The following SEMA3A variants were observed in gnomAD, a reference collection of about 807,000 sequenced individuals.
The protein encoded by SEMA3A is semaphorin 3A, also known as semaphorin-3A.
SEMA3A carries 29 observed loss-of-function variants against 97.9 expected under a neutral mutation model. That is an observed-to-expected ratio of 0.30 (90% CI 0.22 to 0.40). SEMA3A has a LOEUF of 0.40. Ranked by LOEUF, SEMA3A falls within the 10% of genes least tolerant of loss-of-function variation. SEMA3A has a pLI of 1.00. For synonymous variants in SEMA3A, 321 were observed against 323.7 expected (o/e 0.99, Z 0.09); for missense variants, 763 against 951.3 (o/e 0.80, Z 2.60).
chr7:84,482,059 T>C (rs1806460560), intron 1 of SEMA3A, among the ~76,000 whole-genome samples: 1 of 151,820 alleles, frequency 6.6e-6, no homozygotes, highest in Non-Finnish European at 1.5e-5. Context: ...TTGACTGATG[T>C]TAACTTATCA....
Position 83,963,363 on chromosome 7 carries a change from A to C in SEMA3A, c.1718-16T>G, listed in dbSNP as rs762087897. The C allele has an allele frequency of 6.3e-7, 1 of 1,599,330 alleles. No homozygotes were observed. Among genetic ancestry groups the C allele is most frequent in the South Asian group, 1.1e-5 (1 of 90,136 alleles). On this transcript the variant is annotated splice_polypyrimidine_tract_variant and intron_variant, in intron 15 of 16. Transcript: ENST00000265362. ...TGGTGATTATCTGGCCAGTGATGAGAAAATGCAATGAGAAAATATTAGAGA... is the reference window on the plus strand; with the variant it reads ...TGGTGATTATCTGGCCAGTGATGAGCAAATGCAATGAGAAAATATTAGAGA...
intron 1 of SEMA3A, among the ~76,000 whole-genome samples, chr7:84,387,739 T>C (rs1487391391): frequency 6.6e-6 from 1 of 152,194 alleles, no homozygotes; most frequent in Admixed American, 6.5e-5. Flanking sequence ...AACAGATCTC[T>C]TTAAAACCAG....
intron 6 of SEMA3A, among the ~76,000 whole-genome samples, chr7:84,043,726 C>A (rs190917546): frequency 6.6e-6 from 1 of 152,208 alleles, no homozygotes; most frequent in Admixed American, 6.6e-5. Context: ...CATCTTGCAG[C>A]AGTTCTGTTT....
chr7:84,143,222 G>C (rs1266096156), intron 1 of SEMA3A, among the ~76,000 whole-genome samples: 1 of 152,014 alleles, frequency 6.6e-6, no homozygotes, highest in Non-Finnish European at 1.5e-5. Context: ...ACTGGTGAAA[G>C]ATGACAGAGT....
At chr7:84,474,067 C>A (rs1235430322) in intron 1 of SEMA3A, among the ~76,000 whole-genome samples, 2 of 152,142 alleles carry the variant, frequency 1.3e-5, no homozygotes, top group Non-Finnish European at 2.9e-5. Context: ...AGAATCCTAA[C>A]TCTTTCAATT....
At chr7:84,019,506 T>G (rs1222640112) in intron 6 of SEMA3A, among the ~76,000 whole-genome samples, 2 of 145,764 alleles carry the variant, frequency 1.4e-5, no homozygotes, top group Non-Finnish European at 3.0e-5. Context: ...CCTTAGATTT[T>G]TATTCTTTCC....
At chr7:84,324,598 A>G (rs1801729156) in intron 2 of SEMA3A, among the ~76,000 whole-genome samples, 1 of 152,210 alleles carries the variant, frequency 6.6e-6, no homozygotes, top group Non-Finnish European at 1.5e-5. Context: ...ATATTTTATT[A>G]AACTAGAACT....
intron 1 of SEMA3A, among the ~76,000 whole-genome samples, chr7:84,375,192 G>T (rs879476590): frequency 2.0e-5 from 3 of 151,912 alleles, no homozygotes; most frequent in Non-Finnish European, 4.4e-5. Flanking sequence ...GCTGATTTTT[G>T]TATTTTTAGT....
chr7:84,355,391 CCACT>C (rs1802533159), intron 2 of SEMA3A, among the ~76,000 whole-genome samples: 1 of 151,740 alleles, frequency 6.6e-6, no homozygotes, highest in African/African-American at 2.4e-5. Context: ...TATTATACAC[CCACT>C]GAGTCTTCAG....
At chr7:83,989,464 C>T (rs1355642417) in intron 12 of SEMA3A, among the ~76,000 whole-genome samples, 1 of 102,308 alleles carries the variant, frequency 9.8e-6, no homozygotes, top group Non-Finnish European at 2.0e-5. Context: ...CTATCCCTCC[C>T]CCCTCCCCCC....
intron 5 of SEMA3A, among the ~76,000 whole-genome samples, chr7:84,055,781 C>G (rs1408568920): frequency 6.6e-6 from 1 of 152,092 alleles, no homozygotes; most frequent in Non-Finnish European, 1.5e-5. Flanking sequence ...ATTTTCAGAT[C>G]CTAATAGAAG....
intron 1 of SEMA3A, among the ~76,000 whole-genome samples, chr7:84,154,182 T>G (rs1301435542): frequency 6.6e-6 from 1 of 152,088 alleles, no homozygotes; most frequent in Non-Finnish European, 1.5e-5. Context: ...TCAAGGAATA[T>G]TTAGAAAGAT....
chr7:83,971,670 T>TTAC (rs1788919644), intron 15 of SEMA3A, among the ~76,000 whole-genome samples: 1 of 152,126 alleles, frequency 6.6e-6, no homozygotes, highest in Admixed American at 6.6e-5. Flanking sequence ...AATGCATGAA[T>TTAC]GTGTAGTTAA....
chr7:84,204,638 T>A (rs529899093), intron 3 of SEMA3A, among the ~76,000 whole-genome samples: 4 of 152,326 alleles, frequency 2.6e-5, no homozygotes, highest in Admixed American at 2.6e-4. Context: ...TAGGCTCTTA[T>A]TAATTTTATG....
rs540111800 is a variant in SEMA3A at position 84,321,736 on chromosome 7, C to T, written c.-168-14444G>A. The stretch of plus-strand genomic sequence containing the variant: ...CTAAAAATACAAAAAATTAGCCGGG[C>T]GTGGTGGCGCACGCCTCTAGTCTCA... On this transcript the variant is annotated intron_variant, in intron 2 of 3. Transcript: ENST00000424555. Among the ~76,000 whole-genome samples, 6 of 151,614 alleles carry T rather than the reference C, an allele frequency of 4.0e-5. No homozygotes were observed. The South Asian group carries it at 8.3e-4, about 21-fold the overall frequency.
At chr7:84,375,706 A>G (rs1230239360) in intron 1 of SEMA3A, among the ~76,000 whole-genome samples, 1 of 152,178 alleles carries the variant, frequency 6.6e-6, no homozygotes, top group Non-Finnish European at 1.5e-5. Context: ...TCAAAATTCT[A>G]TCTTCTAGCT....
chr7:84,361,489 T>C (rs1387322836), intron 2 of SEMA3A, among the ~76,000 whole-genome samples: 1 of 152,018 alleles, frequency 6.6e-6, no homozygotes, highest in East Asian at 1.9e-4. Flanking sequence ...ATGTTTATAA[T>C]GCAAATAAAT....
At chr7:84,040,244 A>G (rs1478905749) in intron 6 of SEMA3A, among the ~76,000 whole-genome samples, 1 of 147,202 alleles carries the variant, frequency 6.8e-6, no homozygotes, top group South Asian at 2.2e-4. Flanking sequence ...TTTTCTGGTC[A>G]AAACTCTCCA....
At position 83,961,609 on chromosome 7, in the gene SEMA3A, T is replaced by A. The variant is rs759358700; in HGVS notation, c.2078A>T (p.Asn693Ile). Residue 693 changes from asparagine to isoleucine, a missense_variant, in exon 17 of 17, where the codon AAT becomes ATT. Transcript: ENST00000265362. ...GDGSKTKEMS[N>I]SMTPSQKVWY... ...GACCTTCTGGCTAGGTGTCATGCTA[T>A]TGGACATTTCTTTGGTCTTAGAGCC... 7 of 1,614,132 alleles carry A rather than the reference T, an allele frequency of 4.3e-6. No homozygotes were observed. The South Asian group carries it at 7.7e-5, about 18-fold the overall frequency.
Sources: allele counts gnomAD v4.1 joint callset (sites outside exome capture counted in the v4.1 genomes callset), GRCh38; gene constraint gnomAD v4.1.1; transcripts MANE v1.5; gene names NCBI Gene and HGNC (gene_info 2026-07-23, HGNC 2026-07-21).